THSD1: variants seen among roughly 807,000 people sequenced by gnomAD.
THSD1 encodes thrombospondin type 1 domain containing 1.
A neutral mutation model predicts 46.3 loss-of-function variants in THSD1; 34 were observed. That is an observed-to-expected ratio of 0.74 (90% CI 0.56 to 0.98). The LOEUF (loss-of-function observed/expected upper bound fraction) is 0.98. THSD1 is among the 50% of genes least tolerant of loss of function. The pLI is 0.00. For missense variants in THSD1, 1,023 were observed against 1,058.3 expected (o/e 0.97, Z 0.46); for synonymous variants, 407 against 416.5 (o/e 0.98, Z 0.28).
intron 3 of THSD1, among the ~76,000 whole-genome samples, chr13:52,392,473 A>G (rs527769209): frequency 1.3e-5 from 2 of 152,344 alleles, no homozygotes; most frequent in Non-Finnish European, 2.9e-5. Flanking sequence ...TATGTTAGAA[A>G]TGAAGAGCAA....
In THSD1 at chr13:52,377,637, A is replaced by T; in HGVS notation, c.2333T>A (p.Ile778Lys). 6.2e-7 allele frequency: 1 copy of T among 1,610,570 alleles called. No homozygotes were observed. Residue 778 changes from isoleucine to lysine, a missense_variant, in exon 5 of 5, where the codon ATA becomes AAA. Ile to Lys is a moderately radical substitution (Grantham distance 102). Coordinates refer to ENST00000258613, the MANE Select transcript of THSD1 (RefSeq NM_018676.4). ...CCTCTGGTAGTTATCTTTGGGGGATATGGGAGAAGACTGCTTCCTTGAGAC... is the reference window on the plus strand; with the variant it reads ...CCTCTGGTAGTTATCTTTGGGGGATTTGGGAGAAGACTGCTTCCTTGAGAC... Reference protein sequence around the residue: ...KSVSRKQSSPISPKDNYQRVS... With the variant: ...KSVSRKQSSPKSPKDNYQRVS...
chr13:52,403,574 C>T (rs1176478501), intron 1 of THSD1, among the ~76,000 whole-genome samples: 2 of 152,164 alleles, frequency 1.3e-5, no homozygotes, highest in Non-Finnish European at 2.9e-5. Flanking sequence ...CTCCGCTTCC[C>T]GGGTTCACGC....
At chr13:52,404,909 T>G (rs1176505202) in intron 1 of THSD1, among the ~76,000 whole-genome samples, 2 of 152,196 alleles carry the variant, frequency 1.3e-5, no homozygotes, top group African/African-American at 4.8e-5. Flanking sequence ...TAGAGCTGAA[T>G]GGAAAAAGAC....
intron 4 of THSD1, among the ~76,000 whole-genome samples, chr13:52,380,519 T>C (rs894159421): frequency 6.6e-6 from 1 of 151,348 alleles, no homozygotes; most frequent in East Asian, 1.9e-4. Flanking sequence ...TCCTTTTTTT[T>C]TTTTTTCTTT....
rs1957827475 is a variant in THSD1, at chr13:52,398,326, A to C, written c.59-132T>G. The C allele has an allele frequency of 1.2e-5, 17 of 1,405,758 alleles. No homozygotes were observed. In the South Asian group the frequency reaches 2.0e-4, roughly 16 times the overall value. 87.1% of individuals were successfully genotyped at this position (1,405,758 alleles called of 1,614,324 possible). ...CATGCTGTCACCGAGGCTAGAGTGC[A>C]GTGGCGCAATCACTGCTCGCTGTAC... On this transcript the variant is annotated intron_variant, in intron 2 of 4. Transcript: ENST00000258613.
intron 3 of THSD1, among the ~76,000 whole-genome samples, chr13:52,387,519 T>C (rs530961761): frequency 1.3e-5 from 2 of 152,302 alleles, no homozygotes; most frequent in East Asian, 3.9e-4. Context: ...ACCCAGATAT[T>C]AAAACTCTCA....
chr13:52,400,742 C>T (rs561265020), intron 2 of THSD1, among the ~76,000 whole-genome samples: 25 of 152,284 alleles, frequency 1.6e-4, no homozygotes, highest in Non-Finnish European at 2.8e-4. Flanking sequence ...ACAATACCTA[C>T]TTTTTTTATC....
intron 3 of THSD1, among the ~76,000 whole-genome samples, chr13:52,392,203 A>AAAAAAAAAAAAAAAAAT (rs1957778827): frequency 6.6e-6 from 1 of 151,448 alleles, no homozygotes; most frequent in Non-Finnish European, 1.5e-5. Flanking sequence ...AAAAAAAAAA[A>AAAAAAAAAAAAAAAAAT]AAAAAAAAGT....
intron 4 of THSD1, among the ~76,000 whole-genome samples, chr13:52,380,709 A>G (rs1957685286): frequency 6.6e-6 from 1 of 151,866 alleles, no homozygotes; most frequent in Non-Finnish European, 1.5e-5. Flanking sequence ...TGGCCTCCCA[A>G]AGTGCTGGGA....
chr13:52,378,999 A>T (rs892015536), intron 4 of THSD1, among the ~76,000 whole-genome samples: 3 of 150,802 alleles, frequency 2.0e-5, no homozygotes, highest in African/African-American at 7.3e-5. Context: ...AGTAGCTGGG[A>T]TTACAGGCAT....
chr13:52,403,639 G>A (rs566488154), intron 1 of THSD1, among the ~76,000 whole-genome samples: 6 of 152,176 alleles, frequency 3.9e-5, no homozygotes, highest in African/African-American at 1.2e-4. Context: ...CCACCACCAT[G>A]CCCAGCTAAT....
chr13:52,393,925 G>A (rs913353499), intron 3 of THSD1, among the ~76,000 whole-genome samples: 1 of 152,204 alleles, frequency 6.6e-6, no homozygotes, highest in Non-Finnish European at 1.5e-5. Context: ...CAGAGTCAGA[G>A]ATGGTCTGCC....
chr13:52,378,178 TGACCGCGGGC>T lies in THSD1; in HGVS notation c.1782_1791del (p.Pro595ValfsTer12). ...CTGGAGGGAGGCCTTTCCCCGGCAC[TGACCGCGGGC>T]TGCTCCGGAAATGGGGATTTGATCC... On this transcript the variant is annotated frameshift_variant, in exon 5 of 5. Transcript: ENST00000258613. LOFTEE classifies it low-confidence loss of function (END_TRUNC). 1 of 1,614,228 alleles carries T rather than the reference TGACCGCGGGC, an allele frequency of 6.2e-7. No homozygotes were observed.
In THSD1 at chr13:52,377,925, C is replaced by T. The variant is rs1339073852; in HGVS notation, c.2045G>A (p.Ser682Asn). The T allele has an allele frequency of 1.9e-6, 3 of 1,614,180 alleles. No homozygotes were observed. Among genetic ancestry groups the T allele is most frequent in the Non-Finnish European group, 2.5e-6 (3 of 1,180,032 alleles). ...TLTPRQAPAY[S>N]SRTRTCEQAE... ...CTGCTCGCAGGTCCGCGTCCTAGAG[C>T]TGTAGGCAGGGGCCTGCCGTGGAGT... Residue 682 changes from serine (S) to asparagine (N), a missense_variant, in exon 5 of 5, where the codon AGC (serine) becomes AAC (asparagine). This residue lies in a region of THSD1 where 578 missense variants were observed against 497.4 expected (regional missense o/e 1.16). Coordinates refer to ENST00000258613, the MANE Select transcript of THSD1 (RefSeq NM_018676.4).
chr13:52,398,557 G>A (rs1957829051), intron 2 of THSD1: 1 of 985,336 alleles, frequency 1.0e-6, no homozygotes. Flanking sequence ...CAGCATTTTA[G>A]ACAAGAGAAG....
chr13:52,395,985 C>A (rs148855744), intron 3 of THSD1, among the ~76,000 whole-genome samples: 1 of 152,094 alleles, frequency 6.6e-6, no homozygotes, highest in African/African-American at 2.4e-5. Flanking sequence ...TGTGTCCTGG[C>A]AGGCGTATCA....
chr13:52,397,473 C>T lies in THSD1; in HGVS notation c.780G>A (p.Val260=). ...LTCESGVEVT[V]LPPPCTFVQG... ...GGACGAAGGTGCATGGTGGAGGCAGCACTGTCACCTCTACCCCGGACTCAC... is the reference window on the plus strand; with the variant it reads ...GGACGAAGGTGCATGGTGGAGGCAGTACTGTCACCTCTACCCCGGACTCAC... The change falls in exon 3 of 5, where the codon GTG becomes GTA. Residue 260 remains valine (V), a synonymous_variant. Transcript: ENST00000258613. The T allele has an allele frequency of 1.2e-6, 2 of 1,614,154 alleles. No homozygotes were observed. The highest frequency in any genetic ancestry group is 1.7e-6 in the Non-Finnish European group (2 of 1,180,042).
rs781470898 is a variant in THSD1, at chr13:52,377,984, G to C, written c.1986C>G (p.Ala662=). 1 of 1,614,118 alleles carries C rather than the reference G, an allele frequency of 6.2e-7. No homozygotes were observed. The highest frequency in any genetic ancestry group is 1.1e-5 in the South Asian group (1 of 91,084). ...ACATGCTCCTCTCTCGGAACGGCCG[G>C]GCCTGCCTGGCTTCATGGAAACTCG... is the stretch of plus-strand genomic sequence containing the variant. The part of the protein sequence containing the change: ...RTASFHEARQ[A]RPFRERSMST... Residue 662 remains alanine (A), a synonymous_variant, in exon 5 of 5, where the codon GCC becomes GCG. Coordinates refer to ENST00000258613, the MANE Select transcript of THSD1 (RefSeq NM_018676.4).
chr13:52,377,811 C>T lies in THSD1; in HGVS notation c.2159G>A (p.Gly720Asp). The change falls in exon 5 of 5, where the codon GGT (glycine) becomes GAT (aspartate). Residue 720 changes from glycine to aspartate, a missense_variant. Gly to Asp is a moderately conservative substitution (Grantham distance 94). This residue lies in a region of THSD1 where 578 missense variants were observed against 497.4 expected (regional missense o/e 1.16). Coordinates refer to ENST00000258613, the MANE Select transcript of THSD1 (RefSeq NM_018676.4). ...GGATTTAGGGAGAGGGTTTAATGGA[C>T]CACGGGTTCCACTTGCCTCTTGGAA... is the stretch of plus-strand genomic sequence containing the variant. Reference protein sequence around the residue: ...EHFQEASGTRGPLNPLPKSYT... With the variant: ...EHFQEASGTRDPLNPLPKSYT... 1 of 1,614,186 alleles carries T rather than the reference C, an allele frequency of 6.2e-7. No individual in the cohort carries two copies. The highest frequency in any genetic ancestry group is 8.5e-7 in the Non-Finnish European group (1 of 1,180,050).
Sources: allele counts gnomAD v4.1 joint callset (sites outside exome capture counted in the v4.1 genomes callset), GRCh38; gene constraint gnomAD v4.1.1; regional missense constraint gnomAD v4.1.1; transcripts MANE v1.5; gene names NCBI Gene and HGNC (gene_info 2026-07-23, HGNC 2026-07-21).